The following MPP7 variants were observed in gnomAD, a reference collection of about 807,000 sequenced individuals.
MPP7 encodes MAGUK p55 subfamily member 7.
A neutral mutation model predicts 76.5 loss-of-function variants in MPP7; 60 were observed. That is an observed-to-expected ratio of 0.78 (90% CI 0.64 to 0.97). The LOEUF (loss-of-function observed/expected upper bound fraction) is 0.97. Ranked by LOEUF, MPP7 falls within the 50% of genes least tolerant of loss-of-function variation. The pLI is 0.00. For missense variants in MPP7, 641 were observed against 694.0 expected (o/e 0.92, Z 0.86); for synonymous variants, 237 against 244.5 (o/e 0.97, Z 0.29).
chr10:28,102,870 A>G (rs1853890297), intron 11 of MPP7, among the ~76,000 whole-genome samples: 1 of 152,132 alleles, frequency 6.6e-6, no homozygotes, highest in Admixed American at 6.5e-5. Context: ...CTTACAATCC[A>G]TTCCCAACAG....
chr10:28,197,833 G>C (rs1377590760), intron 3 of MPP7, among the ~76,000 whole-genome samples: 2 of 152,066 alleles, frequency 1.3e-5, no homozygotes, highest in African/African-American at 4.8e-5. Context: ...CATTTACCCT[G>C]ATGTGATTAT....
intron 7 of MPP7, 60 bp downstream of exon 7, chr10:28,124,950 G>C: frequency 7.3e-7 from 1 of 1,373,440 alleles, no homozygotes; most frequent in Middle Eastern, 1.8e-4. Context: ...GTTATCTACT[G>C]GAAATGCTAC....
chr10:28,278,351 G>A (rs1840565774), intron 1 of MPP7, among the ~76,000 whole-genome samples: 3 of 152,014 alleles, frequency 2.0e-5, no homozygotes, highest in Admixed American at 2.0e-4. Context: ...CTGCTAAATT[G>A]CATATGGAAG....
At chr10:28,221,857 G>A (rs561796420) in intron 2 of MPP7, among the ~76,000 whole-genome samples, 1 of 152,166 alleles carries the variant, frequency 6.6e-6, no homozygotes, top group South Asian at 2.1e-4. Context: ...TAATGTGAGT[G>A]CTAGCAAATA....
chr10:28,138,612 C>T (rs1835419370), intron 5 of MPP7, among the ~76,000 whole-genome samples: 1 of 152,152 alleles, frequency 6.6e-6, no homozygotes, highest in South Asian at 2.1e-4. Flanking sequence ...TCCAGTGACA[C>T]TATTGTTACA....
At chr10:28,092,255 G>A (rs1385370954) in intron 11 of MPP7, among the ~76,000 whole-genome samples, 1 of 152,068 alleles carries the variant, frequency 6.6e-6, no homozygotes, top group Non-Finnish European at 1.5e-5. Flanking sequence ...TGAGTTGAGA[G>A]AAAAGGTTAT....
At chr10:28,149,115 G>C (rs1835799610) in intron 4 of MPP7, among the ~76,000 whole-genome samples, 1 of 152,166 alleles carries the variant, frequency 6.6e-6, no homozygotes, top group Non-Finnish European at 1.5e-5. Context: ...AGAATGCAAA[G>C]TAGTTCAAAT....
chr10:28,148,699 CATAAT>C (rs1311578534), intron 4 of MPP7, among the ~76,000 whole-genome samples: 1 of 152,086 alleles, frequency 6.6e-6, no homozygotes, highest in Non-Finnish European at 1.5e-5. Context: ...TCACTTAAAA[CATAAT>C]ATATTTTAAC....
At chr10:28,097,080 C>G (rs937477848) in intron 11 of MPP7, among the ~76,000 whole-genome samples, 2 of 151,998 alleles carry the variant, frequency 1.3e-5, no homozygotes, top group African/African-American at 4.8e-5. Context: ...GCCTCAAACC[C>G]CTGGGCTCCA....
chr10:28,082,161 T>C (rs900394863), intron 12 of MPP7, among the ~76,000 whole-genome samples: 3 of 152,202 alleles, frequency 2.0e-5, no homozygotes, highest in Non-Finnish European at 1.5e-5. Flanking sequence ...ACAACGTTTC[T>C]ATAATCATAA....
intron 13 of MPP7, among the ~76,000 whole-genome samples, chr10:28,065,631 C>A (rs780561504): frequency 3.9e-5 from 6 of 152,130 alleles, no homozygotes; most frequent in Non-Finnish European, 7.4e-5. Flanking sequence ...AAAATAGGAG[C>A]CCTCTTCCCA....
rs1839988144 is a variant in MPP7, at chr10:28,262,213, A to AT, written c.-131-23479dup. Among the ~76,000 whole-genome samples the AT allele has an allele frequency of 3.0e-5, 2 of 66,528 alleles. 1 individual carries two copies. The highest frequency in any genetic ancestry group is 1.5e-4 in the African/African-American group (2 of 13,642). The allele number at this position is 66,528 out of a possible 152,430, so 43.6% of individuals were successfully genotyped here. On this transcript the variant is annotated intron_variant, in intron 1 of 16. Transcript: ENST00000683449. ...TATATATATATATATATATACATATATATATATATATACATATATATATAT... is the reference window on the plus strand; with the variant it reads ...TATATATATATATATATATACATATATTATATATATATACATATATATATAT...
intron 13 of MPP7, among the ~76,000 whole-genome samples, chr10:28,062,519 T>C (rs528045569): frequency 3.4e-4 from 49 of 146,142 alleles, no homozygotes; most frequent in African/African-American, 1.2e-3. Flanking sequence ...TTCAATCATT[T>C]CCATAATAGT....
intron 15 of MPP7, 23 bp from the exon 16 acceptor site, chr10:28,056,646 T>C: frequency 1.3e-6 from 2 of 1,526,276 alleles, no homozygotes; most frequent in South Asian, 1.3e-5. Flanking sequence ...AAAGAAAGTT[T>C]TCTCACATTT....
chr10:28,077,589 G>A (rs1669756098), intron 12 of MPP7, among the ~76,000 whole-genome samples: 1 of 152,150 alleles, frequency 6.6e-6, no homozygotes, highest in Non-Finnish European at 1.5e-5. Context: ...ATTTTTAGTT[G>A]TCTGGTTTGT....
At chr10:28,243,507 G>A (rs950091571) in intron 1 of MPP7, among the ~76,000 whole-genome samples, 2 of 151,934 alleles carry the variant, frequency 1.3e-5, no homozygotes, top group African/African-American at 4.8e-5. Flanking sequence ...ATGCATGAAC[G>A]ACATCCATTA....
chr10:28,241,418 A>T (rs1839264971), intron 1 of MPP7, among the ~76,000 whole-genome samples: 1 of 152,178 alleles, frequency 6.6e-6, no homozygotes, highest in Non-Finnish European at 1.5e-5. Flanking sequence ...ATATGAATTT[A>T]AAAAATGGTT....
rs552155207 is a variant in MPP7, at chr10:28,084,144, G to A, written c.1123+5527C>T. 5.6e-4 allele frequency among the ~76,000 whole-genome samples: 86 copies of A among 152,232 alleles called. 1 individual carries two copies. In the South Asian group the frequency reaches 0.013, roughly 23 times the overall value. ...AAGCCAAAACCTGAAATATTGCTGA[G>A]CAAATCCTGAACAGCAGAAAGATTA... On this transcript the variant is annotated intron_variant, in intron 12 of 16. Coordinates refer to ENST00000683449, the MANE Select transcript of MPP7 (RefSeq NM_001318170.2).
At chr10:28,160,498 A>G (rs180824334) in intron 3 of MPP7, among the ~76,000 whole-genome samples, 1 of 152,294 alleles carries the variant, frequency 6.6e-6, no homozygotes, top group Admixed American at 6.5e-5. Context: ...ATGCCAACTC[A>G]GTGAAAAAAG....
Sources: allele counts gnomAD v4.1 joint callset (sites outside exome capture counted in the v4.1 genomes callset), GRCh38; gene constraint gnomAD v4.1.1; transcripts MANE v1.5; gene names NCBI Gene and HGNC (gene_info 2026-07-23, HGNC 2026-07-21).